Variants in BNC2 observed in about 807,000 individuals in gnomAD.
BNC2 encodes basonuclin zinc finger protein 2.
A neutral mutation model predicts 76.3 loss-of-function variants in BNC2; 20 were observed. The observed-to-expected ratio is 0.26, with a 90% CI of 0.18 to 0.38. The LOEUF (loss-of-function observed/expected upper bound fraction) is 0.38. Ranked by LOEUF, BNC2 falls within the 10% of genes least tolerant of loss-of-function variation. The pLI, the probability that BNC2 is intolerant of heterozygous loss-of-function variation, is 1.00. For missense variants in BNC2, 1,382 were observed against 1,399.8 expected, an observed-to-expected ratio of 0.99 and a Z score of 0.20; for synonymous variants, 582 against 514.8, an observed-to-expected ratio of 1.13 and a Z score of -1.77.
At chr9:16,774,548 CA>C (rs1825913165) in intron 1 of BNC2, among the ~76,000 whole-genome samples, 1 of 152,184 alleles carries the variant, frequency 6.6e-6, no homozygotes, top group South Asian at 2.1e-4. Flanking sequence ...TTTATTTCCT[CA>C]TCCAACTTTT....
At chr9:16,840,692 T>G (rs1818803892) in intron 1 of BNC2, among the ~76,000 whole-genome samples, 1 of 152,226 alleles carries the variant, frequency 6.6e-6, no homozygotes, top group South Asian at 2.1e-4. Flanking sequence ...TTGGTATTCC[T>G]ATGCTTGTTA....
chr9:16,560,790 G>C (rs544526902), intron 4 of BNC2, among the ~76,000 whole-genome samples: 2 of 152,330 alleles, frequency 1.3e-5, no homozygotes, highest in South Asian at 2.1e-4. Context: ...TCTGATAAGA[G>C]TGCAGAAATT....
intron 4 of BNC2, among the ~76,000 whole-genome samples, chr9:16,554,423 T>C (rs1200530295): frequency 6.6e-6 from 1 of 152,202 alleles, no homozygotes; most frequent in Non-Finnish European, 1.5e-5. Context: ...ATTCAACACA[T>C]TTACTCCCAG....
intron 1 of BNC2, among the ~76,000 whole-genome samples, chr9:16,861,816 C>T (rs540633475): frequency 6.6e-6 from 1 of 152,082 alleles, no homozygotes; most frequent in Non-Finnish European, 1.5e-5. Flanking sequence ...AGTGAAACAA[C>T]GTCTCTACTA....
intron 5 of BNC2, among the ~76,000 whole-genome samples, chr9:16,441,491 AG>A (rs1267223713): frequency 2.6e-5 from 4 of 152,224 alleles, no homozygotes; most frequent in Non-Finnish European, 4.4e-5. Context: ...AAAGCATCAA[AG>A]GGAAAAAAGA....
intron 5 of BNC2, among the ~76,000 whole-genome samples, chr9:16,464,294 G>A (rs1821657219): frequency 6.6e-6 from 1 of 152,048 alleles, no homozygotes; most frequent in Non-Finnish European, 1.5e-5. Flanking sequence ...ACAGGCCAAT[G>A]TCTGGACATC....
At chr9:16,820,932 G>A (rs188298701) in intron 1 of BNC2, among the ~76,000 whole-genome samples, 81 of 152,136 alleles carry the variant, frequency 5.3e-4, no homozygotes, top group Middle Eastern at 3.4e-3. Context: ...TAGGCCAGGC[G>A]CAGTGTAATC....
At chr9:16,788,388 C>CTA (rs1387504878) in intron 1 of BNC2, among the ~76,000 whole-genome samples, 5 of 151,756 alleles carry the variant, frequency 3.3e-5, no homozygotes, top group East Asian at 3.9e-4. Flanking sequence ...CCCGTCTCTA[C>CTA]CAAAAATACA....
intron 5 of BNC2, among the ~76,000 whole-genome samples, chr9:16,493,854 G>C (rs1186205804): frequency 6.6e-6 from 1 of 152,154 alleles, no homozygotes; most frequent in African/African-American, 2.4e-5. Context: ...GAAAGGCACA[G>C]AGAGTGGAGG....
intron 6 of BNC2, among the ~76,000 whole-genome samples, chr9:16,420,703 T>TATA (rs1354142961): frequency 2.6e-4 from 36 of 138,790 alleles, no homozygotes; most frequent in Non-Finnish European, 4.5e-4. Context: ...ACATATTTTT[T>TATA]TACATATATA....
At chr9:16,656,939 G>A (rs1449368091) in intron 3 of BNC2, among the ~76,000 whole-genome samples, 2 of 152,188 alleles carry the variant, frequency 1.3e-5, no homozygotes, top group East Asian at 3.9e-4. Flanking sequence ...ATGAGCTAGG[G>A]AGAAGGACAA....
At chr9:16,782,309 TA>T (rs1448267831) in intron 1 of BNC2, among the ~76,000 whole-genome samples, 1 of 151,696 alleles carries the variant, frequency 6.6e-6, no homozygotes, top group African/African-American at 2.4e-5. Context: ...ATGATAATAA[TA>T]ATAATAATTT....
intron 4 of BNC2, among the ~76,000 whole-genome samples, chr9:16,574,135 GTTTCA>G: frequency 6.6e-6 from 1 of 152,250 alleles, no homozygotes; most frequent in South Asian, 2.1e-4. Flanking sequence ...AGTTGAGTGT[GTTTCA>G]TTTATAAACC....
At chr9:16,811,304 A>C (rs1818045902) in intron 1 of BNC2, among the ~76,000 whole-genome samples, 3 of 151,208 alleles carry the variant, frequency 2.0e-5, no homozygotes, top group Admixed American at 2.0e-4. Context: ...TAATCCCAGA[A>C]CTTTGGGAGG....
rs545428318 is a variant in BNC2 at position 16,696,835 on chromosome 9, T to C, written c.330+30962A>G. Among the ~76,000 whole-genome samples the C allele has an allele frequency of 3.3e-5, 5 of 152,316 alleles. No homozygotes were observed. The South Asian group carries it at 8.3e-4, about 25-fold the overall frequency. On this transcript the variant is annotated intron_variant, in intron 3 of 6. Coordinates refer to ENST00000380672, the MANE Select transcript of BNC2 (RefSeq NM_017637.6). ...ATTCCTGTTTTATAGAAACTCAAGA[T>C]GCAAAAAGGTTATTATTTATGCACA... is the stretch of plus-strand genomic sequence containing the variant.
intron 1 of BNC2, among the ~76,000 whole-genome samples, chr9:16,866,993 T>C (rs1324631410): frequency 6.6e-6 from 1 of 152,192 alleles, no homozygotes; most frequent in Non-Finnish European, 1.5e-5. Flanking sequence ...TCCTTATATA[T>C]TTATCAAGTT....
intron 4 of BNC2, among the ~76,000 whole-genome samples, chr9:16,567,574 T>C (rs888674525): frequency 6.6e-6 from 1 of 152,242 alleles, no homozygotes; most frequent in Non-Finnish European, 1.5e-5. Flanking sequence ...CAATATTTTC[T>C]GTGAAGGTCA....
intron 1 of BNC2, among the ~76,000 whole-genome samples, chr9:16,829,398 C>G (rs1186251967): frequency 6.6e-6 from 1 of 152,100 alleles, no homozygotes; most frequent in Non-Finnish European, 1.5e-5. Flanking sequence ...TATTAGGTGA[C>G]TGGGTGATTA....
intron 3 of BNC2, among the ~76,000 whole-genome samples, chr9:16,662,184 C>A (rs762162981): frequency 2.4e-4 from 37 of 152,148 alleles, no homozygotes; most frequent in Non-Finnish European, 5.0e-4. Context: ...TTTGTGTACT[C>A]AGAATAGATA....
Sources: gnomAD v4.1 joint callset for allele counts (sites outside exome capture counted in the v4.1 genomes callset) on GRCh38, gnomAD v4.1.1 for gene constraint, MANE v1.5 for transcripts, NCBI Gene and HGNC (gene_info 2026-07-23, HGNC 2026-07-21) for gene names.